ZNF595: variants seen among roughly 807,000 people sequenced by gnomAD.
ZNF595 encodes the protein zinc finger protein 595.
Under a neutral mutation model 19.4 loss-of-function variants are expected in ZNF595, and 9 were observed. The observed-to-expected ratio is 0.46, with a 90% CI of 0.28 to 0.81. The LOEUF (loss-of-function observed/expected upper bound fraction) is 0.81. Among genes scored for constraint, ZNF595 ranks in the 30% least tolerant of loss-of-function variants. The pLI is 0.11. For missense variants in ZNF595, 729 were observed against 736.0 expected, an observed-to-expected ratio of 0.99 and a Z score of 0.11; for synonymous variants, 255 against 255.9, an observed-to-expected ratio of 1.00 and a Z score of 0.03.
chr4:74,279 T>C (rs1713555025), intron 3 of ZNF595, among the ~76,000 whole-genome samples: 1 of 152,156 alleles, frequency 6.6e-6, no homozygotes. Flanking sequence ...GAATGTTCCA[T>C]GTGTGTTTGA....
chr4:71,605 C>A (rs1553797885), intron 3 of ZNF595, among the ~76,000 whole-genome samples: 1 of 152,198 alleles, frequency 6.6e-6, no homozygotes, highest in African/African-American at 2.4e-5. Flanking sequence ...ATCACATCCT[C>A]ATGGTGGGCA....
At chr4:75,943 G>A (rs1228645008) in intron 3 of ZNF595, among the ~76,000 whole-genome samples, 3 of 151,930 alleles carry the variant, frequency 2.0e-5, no homozygotes, top group Non-Finnish European at 4.4e-5. Context: ...AGGCTGTAGT[G>A]CAATGGTGCA....
At chr4:74,900 C>G (rs1408935681) in intron 3 of ZNF595, among the ~76,000 whole-genome samples, 1 of 152,060 alleles carries the variant, frequency 6.6e-6, no homozygotes, top group Admixed American at 6.6e-5. Flanking sequence ...TTGGAGGCCC[C>G]AAAATTTATT....
At chr4:79,675 G>GTTTTTTTTT (rs202205324) in intron 3 of ZNF595, among the ~76,000 whole-genome samples, 1 of 127,512 alleles carries the variant, frequency 7.8e-6, no homozygotes, top group Non-Finnish European at 1.7e-5. Context: ...CAGCTTTGTT[G>GTTTTTTTTT]TTTTTTTTTT....
At position 81,547 on chromosome 4, in the gene ZNF595, T is replaced by A. The variant is rs187872158; in HGVS notation, c.227-4184T>A. 7.9e-5 allele frequency among the ~76,000 whole-genome samples: 12 copies of A among 152,332 alleles called. No homozygotes were observed. The East Asian group carries it at 2.3e-3, about 29-fold the overall frequency. ...ATCTGTTTTAGATATTATTTTTGAT[T>A]GTCAACACATAAACTTTACAATCTT... On this transcript the variant is annotated intron_variant, in intron 3 of 3. Coordinates refer to ENST00000610261, the MANE Select transcript of ZNF595 (RefSeq NM_182524.4).
At chr4:80,087 A>T (rs2108759765) in intron 3 of ZNF595, among the ~76,000 whole-genome samples, 1 of 152,204 alleles carries the variant, frequency 6.6e-6, no homozygotes, top group South Asian at 2.1e-4. Flanking sequence ...CAATGGCATG[A>T]TCTCAGCTCA....
In ZNF595 at chr4:86,305, G is replaced by T. The variant is rs1553801443; in HGVS notation, c.801G>T (p.Arg267Ser). The change falls in exon 4 of 4, where the codon AGG becomes AGT. Residue 267 changes from arginine (R) to serine (S), a missense_variant. This residue lies in a region of ZNF595 where 729 missense variants were observed against 675.3 expected (regional missense o/e 1.08). Coordinates refer to ENST00000610261, the MANE Select transcript of ZNF595 (RefSeq NM_182524.4). ...AAGAATGTGGCAAAGCCTTTACAAG[G>T]TCCACAACACTGAATGAACACAAGA... ...KCEECGKAFTRSTTLNEHKKI... is the reference protein window; with the variant it reads ...KCEECGKAFTSSTTLNEHKKI... The T allele has an allele frequency of 6.8e-6, 11 of 1,613,294 alleles. No homozygotes were observed. The highest frequency in any genetic ancestry group is 9.3e-6 in the Non-Finnish European group (11 of 1,179,800).
intron 3 of ZNF595, among the ~76,000 whole-genome samples, chr4:70,036 T>G (rs1248120653): frequency 6.6e-6 from 1 of 152,172 alleles, no homozygotes; most frequent in Non-Finnish European, 1.5e-5. Context: ...CTGTAAACAG[T>G]TGTGACCCTG....
chr4:70,259 T>C (rs1713372022), intron 3 of ZNF595, among the ~76,000 whole-genome samples: 1 of 152,146 alleles, frequency 6.6e-6, no homozygotes, highest in Non-Finnish European at 1.5e-5. Flanking sequence ...TTTAATTTTT[T>C]ATATGGCCAG....
intron 3 of ZNF595, among the ~76,000 whole-genome samples, chr4:75,881 G>C (rs1328737525): frequency 6.6e-6 from 1 of 150,928 alleles, no homozygotes; most frequent in African/African-American, 2.4e-5. Context: ...TCTAGTTTAA[G>C]ATAACAATTT....
chr4:85,322 C>T (rs1714086220), intron 3 of ZNF595, among the ~76,000 whole-genome samples: 1 of 152,124 alleles, frequency 6.6e-6, no homozygotes, highest in African/African-American at 2.4e-5. Context: ...AGACAGAAAC[C>T]AGATTTTGTA....
chr4:83,545 A>C (rs1714005670), intron 3 of ZNF595, among the ~76,000 whole-genome samples: 2 of 147,046 alleles, frequency 1.4e-5, no homozygotes, highest in African/African-American at 5.0e-5. Context: ...GTGTGAACCC[A>C]GGAGGCAGAG....
In ZNF595 at chr4:87,059, C is replaced by G; in HGVS notation, c.1555C>G (p.Gln519Glu). The G allele has an allele frequency of 2.5e-6, 4 of 1,612,194 alleles. No homozygotes were observed. Among genetic ancestry groups the G allele is most frequent in the Non-Finnish European group, 3.4e-6 (4 of 1,179,616 alleles). The change falls in exon 4 of 4, where the codon CAA becomes GAA. Residue 519 changes from glutamine (Q) to glutamate (E), a missense_variant. By Grantham distance (29) the Gln-to-Glu change is conservative (BLOSUM62 2). This residue lies in a region of ZNF595 where 729 missense variants were observed against 675.3 expected (regional missense o/e 1.08). Coordinates refer to ENST00000610261, the MANE Select transcript of ZNF595 (RefSeq NM_182524.4). ...TAAAGAATGTGGCAAAGCTTTTAACCAATCCTCAGGCCTTATTATACACAG... is the reference window on the plus strand; with the variant it reads ...TAAAGAATGTGGCAAAGCTTTTAACGAATCCTCAGGCCTTATTATACACAG... ...KCKECGKAFN[Q>E]SSGLIIHRSI...
chr4:67,837 CA>C (rs1713215598), intron 3 of ZNF595: 1 of 568,560 alleles, frequency 1.8e-6, no homozygotes, highest in East Asian at 2.8e-5. Flanking sequence ...CTCTTTTTGA[CA>C]GTTGTTCAGC....
rs962699573 is a variant in ZNF595, at chr4:79,668, C to T, written c.227-6063C>T. 5.8e-5 allele frequency among the ~76,000 whole-genome samples: 8 copies of T among 138,166 alleles called. 1 individual carries two copies. Among genetic ancestry groups the T allele is most frequent in the Admixed American group, 4.5e-4 (6 of 13,320 alleles). 90.6% of individuals were successfully genotyped at this position (138,166 alleles called of 152,430 possible). A position where few individuals can be genotyped will look rare whatever the true frequency, so the allele number is the denominator to read the frequency against. The stretch of plus-strand genomic sequence containing the variant: ...GAATCAGGTAGTGCAGTATCTCCAG[C>T]TTTGTTGTTTTTTTTTTTTTTCTTT... On this transcript the variant is annotated intron_variant, in intron 3 of 3. Transcript: ENST00000610261.
At chr4:68,813 A>C (rs1161964019) in intron 3 of ZNF595, among the ~76,000 whole-genome samples, 4 of 152,136 alleles carry the variant, frequency 2.6e-5, no homozygotes, top group Non-Finnish European at 5.9e-5. Flanking sequence ...ATTGCTTTTG[A>C]CTATAGTCAC....
At chr4:78,189 TAG>T (rs1553799136) in intron 3 of ZNF595, among the ~76,000 whole-genome samples, 1 of 152,128 alleles carries the variant, frequency 6.6e-6, no homozygotes, top group African/African-American at 2.4e-5. Context: ...TTTGTATGTT[TAG>T]TAGAGATGGG....
At chr4:59,773 C>G (rs1581319369) in intron 2 of ZNF595, among the ~76,000 whole-genome samples, 2 of 152,250 alleles carry the variant, frequency 1.3e-5, no homozygotes. Flanking sequence ...GTGTCCTTCA[C>G]TCTAGGATAG....
intron 3 of ZNF595, among the ~76,000 whole-genome samples, chr4:64,545 G>C (rs1452104735): frequency 6.6e-6 from 1 of 152,310 alleles, no homozygotes; most frequent in Non-Finnish European, 1.5e-5. Context: ...CTTGAGGCCA[G>C]GAGTTCCAGA....
Sources: allele counts gnomAD v4.1 joint callset (sites outside exome capture counted in the v4.1 genomes callset), GRCh38; gene constraint gnomAD v4.1.1; regional missense constraint gnomAD v4.1.1; transcripts MANE v1.5; gene names NCBI Gene and HGNC (gene_info 2026-07-23, HGNC 2026-07-21).